Variants in RBM33 observed in about 807,000 individuals in gnomAD.
RBM33 encodes RNA binding motif protein 33, also known as RNA-binding protein 33.
A neutral mutation model predicts 132.6 loss-of-function variants in RBM33; 28 were observed. The ratio of observed to expected loss-of-function variants is 0.21; its 90% CI spans 0.16 to 0.29. RBM33 has a LOEUF of 0.29. Ranked by LOEUF, RBM33 falls within the 10% of genes least tolerant of loss-of-function variation. The pLI, the probability that RBM33 is intolerant of heterozygous loss-of-function variation, is 1.00. For missense variants in RBM33, 1,291 were observed against 1,518.5 expected (o/e 0.85, Z 2.49); for synonymous variants, 634 against 593.0 (o/e 1.07, Z -1.01).
At chr7:155,722,754 A>G (rs2116998304) in intron 9 of RBM33, among the ~76,000 whole-genome samples, 1 of 152,322 alleles carries the variant, frequency 6.6e-6, no homozygotes, top group East Asian at 1.9e-4. Context: ...AAGCTTGTGA[A>G]AAAGTGCTGA....
chr7:155,706,775 T>G (rs1800126701), intron 6 of RBM33, 85 bp from the exon 7 acceptor site: 10 of 1,124,222 alleles, frequency 8.9e-6, no homozygotes, highest in Non-Finnish European at 1.3e-5. Flanking sequence ...AGTTTCATTG[T>G]CACATCATTC....
chr7:155,665,172 T>C lies in RBM33; in HGVS notation c.44-3T>C. 1.2e-6 allele frequency: 2 copies of C among 1,613,690 alleles called. No individual in the cohort carries two copies. Among genetic ancestry groups the C allele is most frequent in the Non-Finnish European group, 1.7e-6 (2 of 1,179,624 alleles). On this transcript the variant is annotated splice_region_variant and splice_polypyrimidine_tract_variant and intron_variant, in intron 1 of 17. Coordinates refer to ENST00000401878, the MANE Select transcript of RBM33 (RefSeq NM_053043.3). ...AACTGACTTCAATGGACTGTTCTCATAGATGATGACTTTGACCAGTTTGAT... is the reference window on the plus strand; with the variant it reads ...AACTGACTTCAATGGACTGTTCTCACAGATGATGACTTTGACCAGTTTGAT...
intron 11 of RBM33, chr7:155,739,439 A>G (rs369465359): frequency 2.3e-6 from 1 of 437,876 alleles, no homozygotes; most frequent in African/African-American, 2.0e-5. Context: ...TGCTACAGGG[A>G]ACATGCTTTA....
At chr7:155,697,773 AT>A (rs1799838268) in intron 5 of RBM33, among the ~76,000 whole-genome samples, 1 of 152,132 alleles carries the variant, frequency 6.6e-6, no homozygotes, top group Non-Finnish European at 1.5e-5. Context: ...TTCTTTCTAC[AT>A]TTACGAAATA....
chr7:155,669,801 G>C (rs940232709), intron 2 of RBM33, among the ~76,000 whole-genome samples: 2 of 152,206 alleles, frequency 1.3e-5, no homozygotes, highest in Non-Finnish European at 2.9e-5. Context: ...GGCTGTTGGG[G>C]GAGGGATACT....
chr7:155,673,770 A>ACACACACC (rs1799067810), intron 3 of RBM33, among the ~76,000 whole-genome samples: 2 of 121,684 alleles, frequency 1.6e-5, no homozygotes, highest in Non-Finnish European at 3.4e-5. Flanking sequence ...GCATGCGCGC[A>ACACACACC]CACACACACA....
chr7:155,697,204 G>GAGGAGT (rs1799817754), intron 5 of RBM33, among the ~76,000 whole-genome samples: 1 of 152,160 alleles, frequency 6.6e-6, no homozygotes, highest in Non-Finnish European at 1.5e-5. Context: ...GGAGGAGGAG[G>GAGGAGT]AGTATCTCCA....
intron 8 of RBM33, among the ~76,000 whole-genome samples, chr7:155,716,273 G>A (rs961509117): frequency 2.1e-5 from 3 of 140,318 alleles, no homozygotes; most frequent in African/African-American, 8.0e-5. Flanking sequence ...TGGACTGTCC[G>A]CACGCAGCAA....
chr7:155,684,996 G>A (rs557480724), intron 5 of RBM33: 1 of 1,550,504 alleles, frequency 6.4e-7, no homozygotes, highest in African/African-American at 1.4e-5. Flanking sequence ...AGACTGTGTG[G>A]CTGAAGATGA....
chr7:155,735,462 T>C lies in RBM33; in HGVS notation c.1261-2068T>C, dbSNP rs57674047. Among the ~76,000 whole-genome samples, 1,132 of 152,316 alleles carry C rather than the reference T, an allele frequency of 7.4e-3. 13 individuals are homozygous for C. Among genetic ancestry groups the C allele is most frequent in the African/African-American group, 0.026 (1,068 of 41,558 alleles). On this transcript the variant is annotated intron_variant, in intron 9 of 17. Coordinates refer to ENST00000401878, the MANE Select transcript of RBM33 (RefSeq NM_053043.3). ...GCTCATGTCTGTAATCCAAGTACTT[T>C]AGGAGGCTGAGGTGGAAGAATCATT...
chr7:155,701,175 T>TAA (rs113324488), intron 6 of RBM33: 4 of 541,652 alleles, frequency 7.4e-6, no homozygotes, highest in South Asian at 2.7e-5. Context: ...TTAAGATAAT[T>TAA]AAAAAAAATT....
intron 12 of RBM33, among the ~76,000 whole-genome samples, chr7:155,741,283 A>G (rs185509651): frequency 3.4e-3 from 500 of 147,054 alleles, no homozygotes; most frequent in Non-Finnish European, 6.1e-3. Flanking sequence ...GTTCTCTCTT[A>G]AGAATCCCCA....
intron 7 of RBM33, among the ~76,000 whole-genome samples, chr7:155,708,133 C>CAGGAGCCATTCATTTGTGA (rs1351331234): frequency 6.6e-6 from 1 of 152,178 alleles, no homozygotes; most frequent in East Asian, 1.9e-4. Flanking sequence ...TATTATATTT[C>CAGGAGCCATTCATTTGTGA]AGGAGCCATT....
At chr7:155,740,165 G>A (rs1416715238) in intron 12 of RBM33, 139 bp downstream of exon 12, 5 of 1,148,912 alleles carry the variant, frequency 4.4e-6, no homozygotes, top group Non-Finnish European at 5.7e-6. Context: ...TAGTTCTGAA[G>A]TGAATCCATG....
chr7:155,732,963 CAG>C (rs1236578055), intron 9 of RBM33, among the ~76,000 whole-genome samples: 1 of 152,156 alleles, frequency 6.6e-6, no homozygotes, highest in African/African-American at 2.4e-5. Flanking sequence ...AGCCTGGCCA[CAG>C]GGGTAGAGGA....
intron 9 of RBM33, among the ~76,000 whole-genome samples, 167 bp from the exon 10 acceptor site, chr7:155,737,353 CTGTGTGTGTG>C (rs59512454): frequency 9.7e-4 from 138 of 142,946 alleles, no homozygotes; most frequent in Admixed American, 2.2e-3. Context: ...ATGCATGACT[CTGTGTGTGTG>C]TGTGTGTGTG....
chr7:155,749,831 AG>A lies in RBM33; in HGVS notation c.2979+4230del, dbSNP rs1270066713. 2.0e-5 allele frequency among the ~76,000 whole-genome samples: 3 copies of A among 152,246 alleles called. No individual in the cohort carries two copies. The East Asian group carries it at 5.8e-4, about 29-fold the overall frequency. ...GGGAGTGCATATTGTGTCCTGGTTA[AG>A]AATAGCCATCACTTGCTATGTGCTG... is the stretch of plus-strand genomic sequence containing the variant. On this transcript the variant is annotated intron_variant, in intron 14 of 17. Coordinates refer to ENST00000401878, the MANE Select transcript of RBM33 (RefSeq NM_053043.3).
At chr7:155,759,671 G>A (rs1295875435) in intron 14 of RBM33, among the ~76,000 whole-genome samples, 3 of 151,976 alleles carry the variant, frequency 2.0e-5, no homozygotes, top group African/African-American at 4.8e-5. Flanking sequence ...CACCCGCCTC[G>A]GCCTCCCAAA....
intron 9 of RBM33, among the ~76,000 whole-genome samples, chr7:155,724,918 T>G (rs2117002016): frequency 6.6e-6 from 1 of 152,190 alleles, no homozygotes. Flanking sequence ...TCCATTCACC[T>G]GATAGGCAGT....
Sources: allele counts gnomAD v4.1 joint callset (sites outside exome capture counted in the v4.1 genomes callset), GRCh38; gene constraint gnomAD v4.1.1; transcripts MANE v1.5; gene names NCBI Gene and HGNC (gene_info 2026-07-23, HGNC 2026-07-21).